The following RBFOX1 variants were observed in gnomAD, a reference collection of about 807,000 sequenced individuals.
RBFOX1 encodes RNA binding protein fox-1 homolog 1.
In RBFOX1, 8 loss-of-function variants were observed where a neutral mutation model predicts 57.7. The observed-to-expected ratio is 0.14, with a 90% CI of 0.08 to 0.25. The LOEUF (loss-of-function observed/expected upper bound fraction) is 0.25. Among genes scored for constraint, RBFOX1 ranks in the 10% least tolerant of loss-of-function variants. The probability of loss-of-function intolerance (pLI) is 1.00; values close to 1 mark genes in which losing one functional copy is unlikely to be tolerated. For synonymous variants in RBFOX1, 326 were observed against 222.4 expected (o/e 1.47, Z -4.15); for missense variants, 611 against 548.5 (o/e 1.11, Z -1.14).
At chr16:7,541,122 T>C (rs773174532) in intron 5 of RBFOX1, among the ~76,000 whole-genome samples, 2 of 152,248 alleles carry the variant, frequency 1.3e-5, no homozygotes, top group Non-Finnish European at 2.9e-5. Flanking sequence ...TTTTCGCCCC[T>C]GACTGCTGTA....
intron 1 of RBFOX1, among the ~76,000 whole-genome samples, chr16:6,072,232 C>T (rs971443177): frequency 2.0e-5 from 3 of 152,102 alleles, no homozygotes; most frequent in Non-Finnish European, 4.4e-5. Flanking sequence ...AAAACCCACC[C>T]CCCCATGATC....
intron 3 of RBFOX1, among the ~76,000 whole-genome samples, chr16:6,895,454 A>ATGTG (rs1567761375): frequency 1.3e-5 from 1 of 74,158 alleles, no homozygotes; most frequent in East Asian, 4.8e-4. Context: ...GTGTGTATAT[A>ATGTG]TATATATATA....
chr16:6,180,818 G>A (rs913262375), intron 1 of RBFOX1, among the ~76,000 whole-genome samples: 3 of 152,002 alleles, frequency 2.0e-5, no homozygotes, highest in Admixed American at 1.3e-4. Context: ...TACCTGCCTC[G>A]GCCTCCCAAC....
intron 5 of RBFOX1, among the ~76,000 whole-genome samples, chr16:7,567,231 A>ATATATATCCC: frequency 7.3e-6 from 1 of 137,112 alleles, no homozygotes; most frequent in African/African-American, 2.7e-5. Context: ...ATATATCCCT[A>ATATATATCCC]TATATATATC....
chr16:7,671,057 T>G (rs1015004753), intron 13 of RBFOX1, among the ~76,000 whole-genome samples: 1 of 152,208 alleles, frequency 6.6e-6, no homozygotes, highest in Non-Finnish European at 1.5e-5. Context: ...ATTCATGAAT[T>G]CATGAACTGC....
At chr16:6,014,427 A>G (rs2094981112), upstream of RBFOX1, among the ~76,000 whole-genome samples, 1 of 152,168 alleles carries the variant, frequency 6.6e-6, no homozygotes. Flanking sequence ...CAAAAAAGAG[A>G]CCTCATCTGT....
intron 1 of RBFOX1, among the ~76,000 whole-genome samples, chr16:6,188,320 T>A (rs2097119615): frequency 6.6e-6 from 1 of 151,218 alleles, no homozygotes; most frequent in East Asian, 1.9e-4. Flanking sequence ...TTTTTCTAAG[T>A]TTTTACCATG....
chr16:6,984,218 G>T (rs192160495), intron 3 of RBFOX1, among the ~76,000 whole-genome samples: 325 of 152,282 alleles, frequency 2.1e-3, no homozygotes, highest in Admixed American at 3.2e-3. Flanking sequence ...TTGCACTCCA[G>T]CCTACGCAAC....
chr16:7,254,526 T>C (rs1274203526), intron 4 of RBFOX1, among the ~76,000 whole-genome samples: 1 of 152,050 alleles, frequency 6.6e-6, no homozygotes, highest in African/African-American at 2.4e-5. Context: ...ATGCCCATTT[T>C]AGGTGTTATT....
chr16:6,420,498 G>A (rs931046174), intron 2 of RBFOX1, among the ~76,000 whole-genome samples: 2 of 152,204 alleles, frequency 1.3e-5, no homozygotes, highest in Admixed American at 1.3e-4. Flanking sequence ...TTGAAGAGAT[G>A]TTAAGCCAGA....
chr16:7,230,744 A>G (rs116531481), intron 4 of RBFOX1, among the ~76,000 whole-genome samples: 157 of 152,284 alleles, frequency 1.0e-3, no homozygotes, highest in African/African-American at 3.2e-3. Context: ...CTTAGCACCA[A>G]ATGCATGAAT....
intron 4 of RBFOX1, among the ~76,000 whole-genome samples, chr16:7,331,751 C>T (rs1163156375): frequency 3.3e-5 from 5 of 152,128 alleles, no homozygotes; most frequent in Non-Finnish European, 7.4e-5. Context: ...CAAGATCACA[C>T]AGCTAGTGAT....
chr16:5,945,333 G>T (rs1051538362), intron 4 of RBFOX1, among the ~76,000 whole-genome samples: 1 of 152,192 alleles, frequency 6.6e-6, no homozygotes, highest in African/African-American at 2.4e-5. Flanking sequence ...AACAAGGGGT[G>T]AGTTACAATA....
At chr16:6,187,574 G>C (rs1183514258) in intron 1 of RBFOX1, among the ~76,000 whole-genome samples, 1 of 152,150 alleles carries the variant, frequency 6.6e-6, no homozygotes, top group Non-Finnish European at 1.5e-5. Context: ...GATTGGAGAA[G>C]ACCCAGCTGG....
intron 2 of RBFOX1, among the ~76,000 whole-genome samples, chr16:6,504,048 C>T (rs1354014854): frequency 6.6e-6 from 1 of 152,180 alleles, no homozygotes; most frequent in Admixed American, 6.5e-5. Flanking sequence ...TTTATTGTTT[C>T]AGCACCACTG....
intron 1 of RBFOX1, among the ~76,000 whole-genome samples, chr16:6,284,834 T>C (rs1283831142): frequency 1.3e-5 from 2 of 152,192 alleles, no homozygotes; most frequent in Non-Finnish European, 2.9e-5. Flanking sequence ...TCACATTATA[T>C]ACGAGTGCAT....
chr16:6,634,940 A>G (rs1176285299), intron 2 of RBFOX1, among the ~76,000 whole-genome samples: 1 of 140,762 alleles, frequency 7.1e-6, no homozygotes, highest in East Asian at 2.1e-4. Flanking sequence ...AATTTAAATT[A>G]GTAATTTAGT....
chr16:7,380,666 G>C (rs1017321525), intron 4 of RBFOX1, among the ~76,000 whole-genome samples: 8 of 152,208 alleles, frequency 5.3e-5, no homozygotes, highest in Admixed American at 1.3e-4. Context: ...CAAATGTTTT[G>C]TCTTTGCTAG....
At chr16:6,730,694 A>G (rs946062840) in intron 3 of RBFOX1, among the ~76,000 whole-genome samples, 13 of 152,210 alleles carry the variant, frequency 8.5e-5, no homozygotes, top group African/African-American at 2.9e-4. Flanking sequence ...ATGAAATGCC[A>G]CTGTCCAAAC....
Sources: allele counts gnomAD v4.1 joint callset (sites outside exome capture counted in the v4.1 genomes callset), GRCh38; gene constraint gnomAD v4.1.1; transcripts MANE v1.5; gene names NCBI Gene and HGNC (gene_info 2026-07-23, HGNC 2026-07-21).